Variants in ETV6 observed in about 807,000 individuals in gnomAD.
The protein encoded by ETV6 is ETS variant transcription factor 6, also known as transcription factor ETV6.
In ETV6, 16 loss-of-function variants were observed where a neutral mutation model predicts 51.1. The ratio of observed to expected loss-of-function variants is 0.31; its 90% CI spans 0.21 to 0.48. ETV6 has a LOEUF of 0.48. Among genes scored for constraint, ETV6 ranks in the 20% least tolerant of loss-of-function variants. The pLI is 0.99. For synonymous variants in ETV6, 240 were observed against 224.1 expected (o/e 1.07, Z -0.64); for missense variants, 458 against 594.8 (o/e 0.77, Z 2.39).
chr12:11,869,885 C>T lies in ETV6; in HGVS notation c.925C>T (p.Arg309Trp), dbSNP rs1465114480. 5.0e-6 allele frequency: 8 copies of T among 1,612,790 alleles called. No homozygotes were observed. The highest frequency in any genetic ancestry group is 5.1e-6 in the Non-Finnish European group (6 of 1,180,048). ...REGKPINLSH[R>W]EDLAYMNHIM... ...AGGGAAGCCCATCAACCTCTCTCAT[C>T]GGGAAGACCTGGCTTACATGAACCA... Residue 309 changes from arginine (R) to tryptophan (W), a missense_variant, in exon 5 of 8, where the codon CGG becomes TGG. Arg to Trp is a moderately radical substitution (Grantham distance 101). Around this residue, in one of 4 missense-constraint regions of ETV6, gnomAD observed 293 missense variants for 315.7 expected, o/e 0.93. Transcript: ENST00000396373. This position sits in a 1 kb window ranked among gnomAD's most constrained non-coding sequence, Gnocchi z 5.0.
At position 11,891,112 on chromosome 12, in the gene ETV6, A is replaced by G. The variant is rs1305119610; in HGVS notation, c.*66A>G. The G allele has an allele frequency of 8.4e-6, 11 of 1,311,828 alleles. No homozygotes were observed. Among genetic ancestry groups the G allele is most frequent in the Non-Finnish European group, 1.2e-5 (11 of 914,082 alleles). The allele number at this position is 1,311,828 out of a possible 1,614,324, so 81.3% of individuals were successfully genotyped here. On this transcript the variant is annotated 3_prime_UTR_variant, in exon 8 of 8. Transcript: ENST00000396373. ...AACCCCTGCCCACCAGGATTGCTGG[A>G]AGTGTGACGGAGCAGGCGGGCTGAG...
At chr12:11,890,340 G>A (rs1449145468) in intron 7 of ETV6, among the ~76,000 whole-genome samples, 2 of 151,636 alleles carry the variant, frequency 1.3e-5, no homozygotes, top group Non-Finnish European at 1.5e-5. Flanking sequence ...ATATATACAT[G>A]GTCTGGACCA....
chr12:11,700,910 T>C (rs1864968097), intron 1 of ETV6, among the ~76,000 whole-genome samples: 2 of 152,186 alleles, frequency 1.3e-5, no homozygotes, highest in Admixed American at 6.5e-5. Context: ...GGGTCCACTG[T>C]ATTTCATCTG....
intron 2 of ETV6, among the ~76,000 whole-genome samples, chr12:11,799,169 A>G (rs1945714240): frequency 6.6e-6 from 1 of 152,192 alleles, no homozygotes; most frequent in Non-Finnish European, 1.5e-5. Context: ...AGCTACCCAC[A>G]GACATTCTTA....
At chr12:11,764,542 C>T (rs1383337658) in intron 2 of ETV6, among the ~76,000 whole-genome samples, 1 of 152,202 alleles carries the variant, frequency 6.6e-6, no homozygotes, top group Non-Finnish European at 1.5e-5. Flanking sequence ...ATCCTTAAGC[C>T]TTTCAACCAT....
At chr12:11,745,493 G>A (rs1042504737) in intron 1 of ETV6, among the ~76,000 whole-genome samples, 1 of 152,144 alleles carries the variant, frequency 6.6e-6, no homozygotes, top group Non-Finnish European at 1.5e-5. Context: ...AGACATCTCC[G>A]AGAAGATTTT....
At chr12:11,828,106 C>T (rs925725253) in intron 2 of ETV6, among the ~76,000 whole-genome samples, 7 of 152,078 alleles carry the variant, frequency 4.6e-5, no homozygotes. Flanking sequence ...TGTAAGCATA[C>T]ATATCAGTAA....
At chr12:11,793,745 C>A (rs992967727) in intron 2 of ETV6, among the ~76,000 whole-genome samples, 1 of 152,162 alleles carries the variant, frequency 6.6e-6, no homozygotes. Flanking sequence ...AGTTACCTTG[C>A]GTAGCGCTAT....
At chr12:11,879,499 C>T (rs1054832286) in intron 5 of ETV6, among the ~76,000 whole-genome samples, 1 of 152,132 alleles carries the variant, frequency 6.6e-6, no homozygotes, top group African/African-American at 2.4e-5. Context: ...AAGAGACAGA[C>T]GTGGGAGTGA....
chr12:11,891,542 T>C lies in ETV6; in HGVS notation c.*496T>C. 1 of 534,810 alleles carries C rather than the reference T, an allele frequency of 1.9e-6. No homozygotes were observed. The allele number at this position is 534,810 out of a possible 1,614,324, so 33.1% of individuals were successfully genotyped here. On this transcript the variant is annotated 3_prime_UTR_variant, in exon 8 of 8. Coordinates refer to ENST00000396373, the MANE Select transcript of ETV6 (RefSeq NM_001987.5). ...GAGAATACTTGCAGAGGGGTTCAGGTTCCTCTTTTTCCTGCCACGTGGATC... is the reference window on the plus strand; with the variant it reads ...GAGAATACTTGCAGAGGGGTTCAGGCTCCTCTTTTTCCTGCCACGTGGATC...
intron 1 of ETV6, among the ~76,000 whole-genome samples, chr12:11,708,055 G>A (rs982147821): frequency 3.9e-5 from 6 of 152,150 alleles, no homozygotes; most frequent in African/African-American, 1.4e-4. Context: ...AATTTTGAAT[G>A]TTCTGTTATG....
At chr12:11,770,554 C>T (rs1268681878) in intron 2 of ETV6, among the ~76,000 whole-genome samples, 1 of 152,184 alleles carries the variant, frequency 6.6e-6, no homozygotes, top group Non-Finnish European at 1.5e-5. Flanking sequence ...CCACTGTCAA[C>T]CGGATGCTAG....
At chr12:11,705,247 A>G (rs1364625296) in intron 1 of ETV6, among the ~76,000 whole-genome samples, 1 of 152,228 alleles carries the variant, frequency 6.6e-6, no homozygotes, top group Non-Finnish European at 1.5e-5. Context: ...GTGCTCAAAC[A>G]TGCTAGCTCC....
intron 1 of ETV6, among the ~76,000 whole-genome samples, chr12:11,735,291 T>C (rs2120994923): frequency 6.6e-6 from 1 of 152,176 alleles, no homozygotes; most frequent in South Asian, 2.1e-4. Flanking sequence ...AGACCCCCAA[T>C]TGTATAAGCC....
In ETV6 at chr12:11,714,210, G is replaced by C. The variant is rs142307754; in HGVS notation, c.34-38240G>C. ...ATGAGAGGAAGGAGGAGGTAATAAT[G>C]GAAAGAGGACAAAGAAAGAGAGGCA... is the stretch of plus-strand genomic sequence containing the variant. On this transcript the variant is annotated intron_variant, in intron 1 of 7. Transcript: ENST00000396373. 2.1e-3 allele frequency among the ~76,000 whole-genome samples: 314 copies of C among 152,198 alleles called. 2 individuals are homozygous for C. Among genetic ancestry groups the C allele is most frequent in the Non-Finnish European group, 3.5e-3 (238 of 68,004 alleles).
chr12:11,748,961 T>C (rs2121051032), intron 1 of ETV6, among the ~76,000 whole-genome samples: 1 of 152,300 alleles, frequency 6.6e-6, no homozygotes, highest in Admixed American at 6.5e-5. Flanking sequence ...TTTTCTGCCT[T>C]ATTTTCTCTT....
intron 2 of ETV6, among the ~76,000 whole-genome samples, chr12:11,823,224 C>T (rs941629079): frequency 4.6e-5 from 7 of 152,140 alleles, no homozygotes; most frequent in East Asian, 1.9e-4. Flanking sequence ...ACTATAACTC[C>T]GTATTTCTTT....
chr12:11,798,342 G>A (rs568092647), intron 2 of ETV6, among the ~76,000 whole-genome samples: 1 of 152,322 alleles, frequency 6.6e-6, no homozygotes, highest in Non-Finnish European at 1.5e-5. Context: ...GATGTGCTGA[G>A]GGATGGATTA....
chr12:11,883,785 CA>C (rs2136592346), intron 5 of ETV6, among the ~76,000 whole-genome samples: 1 of 152,280 alleles, frequency 6.6e-6, no homozygotes, highest in South Asian at 2.1e-4. Flanking sequence ...TATATCAAAA[CA>C]TTTTTTAAAG....
Sources: allele counts gnomAD v4.1 joint callset (sites outside exome capture counted in the v4.1 genomes callset), GRCh38; gene constraint gnomAD v4.1.1; regional missense constraint gnomAD v4.1.1; non-coding constraint Gnocchi (gnomAD v3.1); transcripts MANE v1.5; gene names NCBI Gene and HGNC (gene_info 2026-07-23, HGNC 2026-07-21).